Variants in PHYHIPL observed in about 807,000 individuals in gnomAD.
The protein encoded by PHYHIPL is phytanoyl-CoA 2-hydroxylase interacting protein like.
PHYHIPL carries 9 observed loss-of-function variants against 33.4 expected under a neutral mutation model. That is an observed-to-expected ratio of 0.27 (90% CI 0.16 to 0.47). PHYHIPL has a LOEUF of 0.47. PHYHIPL is among the 20% of genes least tolerant of loss of function. PHYHIPL has a pLI of 0.99. For synonymous variants in PHYHIPL, 153 were observed against 154.1 expected (o/e 0.99, Z 0.05); for missense variants, 365 against 460.7 (o/e 0.79, Z 1.90).
At chr10:59,188,428 A>G (rs1293484559) in intron 1 of PHYHIPL, among the ~76,000 whole-genome samples, 3 of 152,166 alleles carry the variant, frequency 2.0e-5, no homozygotes, top group Non-Finnish European at 4.4e-5. Context: ...GGTGCTGAAA[A>G]GAATGTATAT....
intron 1 of PHYHIPL, among the ~76,000 whole-genome samples, chr10:59,182,363 G>C (rs973529817): frequency 3.3e-5 from 5 of 151,794 alleles, no homozygotes; most frequent in Non-Finnish European, 5.9e-5. Flanking sequence ...TTATTATTGA[G>C]ACGGAGTTTC....
intron 1 of PHYHIPL, among the ~76,000 whole-genome samples, chr10:59,203,602 T>A (rs2133223349): frequency 6.6e-6 from 1 of 152,048 alleles, no homozygotes; most frequent in African/African-American, 2.4e-5. Flanking sequence ...AAATGATGAG[T>A]TCATGTCCTT....
intron 1 of PHYHIPL, among the ~76,000 whole-genome samples, chr10:59,217,462 C>T (rs1467061106): frequency 1.3e-5 from 2 of 151,764 alleles, no homozygotes; most frequent in East Asian, 3.9e-4. Context: ...AAATATACCT[C>T]TTGCTCATTT....
intron 1 of PHYHIPL, among the ~76,000 whole-genome samples, chr10:59,198,474 T>A (rs911431923): frequency 2.2e-4 from 34 of 152,176 alleles, no homozygotes; most frequent in African/African-American, 8.2e-4. Context: ...TTTGGGTTGG[T>A]TCCAAGTCTT....
At chr10:59,195,523 C>T (rs1478128131) in intron 1 of PHYHIPL, among the ~76,000 whole-genome samples, 2 of 152,168 alleles carry the variant, frequency 1.3e-5, no homozygotes, top group African/African-American at 4.8e-5. Flanking sequence ...TTCAGATTCA[C>T]CTCTGTGTCC....
chr10:59,176,835 T>G lies in PHYHIPL; in HGVS notation c.-19T>G, dbSNP rs771856223. On this transcript the variant is annotated 5_prime_UTR_variant, in exon 1 of 5. Transcript: ENST00000373880. The stretch of plus-strand genomic sequence containing the variant: ...GAGCCTGGATACGAAGCAGGCGGGC[T>G]TCAGAGTGGGTTGGAAAAATGGAGG... The G allele has an allele frequency of 6.2e-7, 1 of 1,606,154 alleles. No homozygotes were observed. The highest frequency in any genetic ancestry group is 8.5e-7 in the Non-Finnish European group (1 of 1,176,086).
Position 59,234,370 on chromosome 10 carries a change from T to A in PHYHIPL, c.173T>A (p.Ile58Lys). 6.2e-7 allele frequency: 1 copy of A among 1,601,394 alleles called. No individual in the cohort carries two copies. Among genetic ancestry groups the A allele is most frequent in the Non-Finnish European group, 8.5e-7 (1 of 1,175,664 alleles). ...CTTCCTGTACCACATAACATCAAAA[T>A]AAGCAATATAACGTGTGACTCATTC... Reference protein sequence around the residue: ...EELPVPHNIKISNITCDSFKI... With the variant: ...EELPVPHNIKKSNITCDSFKI... Residue 58 changes from isoleucine to lysine, a missense_variant, in exon 2 of 5, where the codon ATA (isoleucine) becomes AAA (lysine). This residue lies in a region of PHYHIPL where 89 missense variants were observed against 78.3 expected (regional missense o/e 1.14). Transcript: ENST00000373880.
At chr10:59,238,139 G>A (rs561807839) in intron 3 of PHYHIPL, among the ~76,000 whole-genome samples, 3 of 151,856 alleles carry the variant, frequency 2.0e-5, no homozygotes, top group Non-Finnish European at 4.4e-5. Flanking sequence ...TTTGACAGGT[G>A]CTTTAGAGTT....
chr10:59,185,021 C>T (rs1317381735), intron 1 of PHYHIPL, among the ~76,000 whole-genome samples: 102 of 134,862 alleles, frequency 7.6e-4, no homozygotes, highest in Non-Finnish European at 1.4e-3. Context: ...GACGGAGTCT[C>T]GCTCTGCCAC....
intron 1 of PHYHIPL, among the ~76,000 whole-genome samples, chr10:59,193,644 G>T (rs979588875): frequency 3.9e-5 from 6 of 152,012 alleles, no homozygotes; most frequent in Non-Finnish European, 8.8e-5. Flanking sequence ...TTTTCTTGCA[G>T]ACTCTTTTTG....
intron 1 of PHYHIPL, among the ~76,000 whole-genome samples, chr10:59,208,264 G>C (rs1839345733): frequency 6.6e-6 from 1 of 152,194 alleles, no homozygotes. Flanking sequence ...GCCTCTGCTG[G>C]TAATACCCAG....
At chr10:59,204,688 A>G (rs1460369229) in intron 1 of PHYHIPL, among the ~76,000 whole-genome samples, 1 of 151,752 alleles carries the variant, frequency 6.6e-6, no homozygotes, top group Non-Finnish European at 1.5e-5. Flanking sequence ...TTCTTAACAT[A>G]TTACTTATTG....
chr10:59,199,942 T>A (rs1839046868), intron 1 of PHYHIPL, among the ~76,000 whole-genome samples: 1 of 152,196 alleles, frequency 6.6e-6, no homozygotes, highest in South Asian at 2.1e-4. Flanking sequence ...CTTATCAGCA[T>A]AAGAAGATTT....
At chr10:59,175,807 C>T (rs1287092624), upstream of PHYHIPL, among the ~76,000 whole-genome samples, 1 of 152,176 alleles carries the variant, frequency 6.6e-6, no homozygotes, top group African/African-American at 2.4e-5. Flanking sequence ...GTTTATACTC[C>T]CTTCATTGAC....
At chr10:59,180,836 A>G (rs1838396279) in intron 1 of PHYHIPL, among the ~76,000 whole-genome samples, 1 of 152,180 alleles carries the variant, frequency 6.6e-6, no homozygotes, top group East Asian at 1.9e-4. Context: ...AAAAAGTAAC[A>G]AATGCTTAAT....
intron 1 of PHYHIPL, among the ~76,000 whole-genome samples, chr10:59,188,252 C>T (rs1041572456): frequency 1.1e-4 from 17 of 152,130 alleles, no homozygotes; most frequent in Non-Finnish European, 1.5e-5. Flanking sequence ...ACAGGTTGTT[C>T]GTTTTTCATG....
chr10:59,216,579 C>T (rs1486758881), intron 1 of PHYHIPL, among the ~76,000 whole-genome samples: 1 of 152,042 alleles, frequency 6.6e-6, no homozygotes, highest in African/African-American at 2.4e-5. Flanking sequence ...AGGTGCCATA[C>T]TTTAGGTAGC....
Position 59,246,401 on chromosome 10 carries a change from TAA to T in PHYHIPL, c.*811_*812del, listed in dbSNP as rs1467091711. ...CAGAGAAAACAATAAGCCTCTGAAA[TAA>T]GTCTGTTTCTGAAATAGTCAATAGT... On this transcript the variant is annotated 3_prime_UTR_variant, in exon 5 of 5. Coordinates refer to ENST00000373880, the MANE Select transcript of PHYHIPL (RefSeq NM_032439.4). 1 of 332,864 alleles carries T rather than the reference TAA, an allele frequency of 3.0e-6. No individual in the cohort carries two copies. The highest frequency in any genetic ancestry group is 2.1e-5 in the African/African-American group (1 of 47,368). The allele number at this position is 332,864 out of a possible 1,614,324, so 20.6% of individuals were successfully genotyped here. A position where few individuals can be genotyped will look rare whatever the true frequency, so the allele number is the denominator to read the frequency against.
At chr10:59,174,815 T>C (rs1404839531), upstream of PHYHIPL, among the ~76,000 whole-genome samples, 1 of 152,228 alleles carries the variant, frequency 6.6e-6, no homozygotes, top group African/African-American at 2.4e-5. Flanking sequence ...CTCCCATACT[T>C]CCTCTTTCTT....
Sources: allele counts gnomAD v4.1 joint callset (sites outside exome capture counted in the v4.1 genomes callset), GRCh38; gene constraint gnomAD v4.1.1; regional missense constraint gnomAD v4.1.1; transcripts MANE v1.5; gene names NCBI Gene and HGNC (gene_info 2026-07-23, HGNC 2026-07-21).